SDS: variants seen among roughly 807,000 people sequenced by gnomAD.
SDS encodes L-serine dehydratase/L-threonine deaminase.
Under a neutral mutation model 29.3 loss-of-function variants are expected in SDS, and 19 were observed. The ratio of observed to expected loss-of-function variants is 0.65; its 90% CI spans 0.45 to 0.95. SDS has a LOEUF of 0.95. SDS is among the 40% of genes least tolerant of loss of function. The pLI is 0.00. For missense variants in SDS, 375 were observed against 439.9 expected, an observed-to-expected ratio of 0.85 and a Z score of 1.32; for synonymous variants, 176 against 189.0, an observed-to-expected ratio of 0.93 and a Z score of 0.56.
intron 6 of SDS, among the ~76,000 whole-genome samples, chr12:113,395,152 A>G (rs1957636884): frequency 6.6e-6 from 1 of 152,198 alleles, no homozygotes; most frequent in African/African-American, 2.4e-5. Context: ...CAGGATCTGT[A>G]TAACTTCAAG....
chr12:113,401,022 G>A (rs189629435), intron 1 of SDS, among the ~76,000 whole-genome samples: 15 of 152,176 alleles, frequency 9.9e-5, no homozygotes, highest in African/African-American at 3.4e-4. Flanking sequence ...GCTGAGGCAG[G>A]AGAATGGCGT....
At chr12:113,403,131 T>C (rs1593300104) in intron 1 of SDS, among the ~76,000 whole-genome samples, 1 of 152,002 alleles carries the variant, frequency 6.6e-6, no homozygotes, top group African/African-American at 2.4e-5. Flanking sequence ...CAAATGGCTG[T>C]TTTTTAAAAA....
intron 6 of SDS, chr12:113,396,848 A>G (rs1383659652): frequency 2.1e-5 from 9 of 429,792 alleles, no homozygotes; most frequent in Middle Eastern, 1.3e-3. Flanking sequence ...TATGTTGCTC[A>G]GGCTGGTCTT....
At position 113,393,985 on chromosome 12, in the gene SDS, C is replaced by A; in HGVS notation, c.685G>T (p.Gly229Trp). ...VAKALGVKTV[G>W]AQALKLFQEH... is the part of the protein sequence containing the mutation. ...TGAAACAGCTTCAGGGCCTGAGCCCCCACAGTCTTCACGCCCAGGGCCTTG... is the reference window on the plus strand; with the variant it reads ...TGAAACAGCTTCAGGGCCTGAGCCCACACAGTCTTCACGCCCAGGGCCTTG... The change falls in exon 7 of 8, where the codon GGG becomes TGG. Residue 229 changes from glycine to tryptophan, a missense_variant. Physicochemically the swap from Gly to Trp is radical, Grantham distance 184 (BLOSUM62 -2). Coordinates refer to ENST00000257549, the MANE Select transcript of SDS (RefSeq NM_006843.3). 6.2e-7 allele frequency: 1 copy of A among 1,614,112 alleles called. No individual in the cohort carries two copies. The highest frequency in any genetic ancestry group is 8.5e-7 in the Non-Finnish European group (1 of 1,180,034).
chr12:113,395,476 T>C (rs1366175022), intron 6 of SDS, among the ~76,000 whole-genome samples: 2 of 152,218 alleles, frequency 1.3e-5, no homozygotes, highest in African/African-American at 4.8e-5. Flanking sequence ...GCTGCACTTA[T>C]GGGCACCTGG....
At chr12:113,399,822 G>T in intron 1 of SDS, 112 bp from the exon 2 acceptor site, 2 of 1,100,328 alleles carry the variant, frequency 1.8e-6, no homozygotes, top group Non-Finnish European at 2.5e-6. Context: ...CCTCAGACGA[G>T]AGAGCATCCT....
chr12:113,397,277 G>C lies in SDS; in HGVS notation c.541C>G (p.Gln181Glu). 6.2e-7 allele frequency: 1 copy of C among 1,614,152 alleles called. No homozygotes were observed. The highest frequency in any genetic ancestry group is 8.5e-7 in the Non-Finnish European group (1 of 1,180,016). ...GLLCGVVQGL[Q>E]EVGWGDVPVI... ...GGCACGTCCCCCCAGCCCACCTCCT[G>C]CAGCCCCTGGACCACTCCACACAGC... Residue 181 changes from glutamine to glutamate, a missense_variant, in exon 6 of 8, where the codon CAG becomes GAG. Coordinates refer to ENST00000257549, the MANE Select transcript of SDS (RefSeq NM_006843.3).
At position 113,399,104 on chromosome 12, in the gene SDS, T is replaced by A. The variant is rs749578689; in HGVS notation, c.193+8A>T. The A allele has an allele frequency of 3.1e-6, 5 of 1,613,746 alleles. No homozygotes were observed. In the African/African-American group the frequency reaches 4.0e-5, roughly 13 times the overall value. On this transcript the variant is annotated splice_region_variant and intron_variant, in intron 3 of 7. Coordinates refer to ENST00000257549, the MANE Select transcript of SDS (RefSeq NM_006843.3). ...GCAGAGGACAGGATGGGGAAGCAGA[T>A]CACTTACCCGAGGAGCAGACAAAAT...
Position 113,393,894 on chromosome 12 carries a change from A to G in SDS, c.776T>C (p.Val259Ala). 6.2e-7 allele frequency: 1 copy of G among 1,614,194 alleles called. No individual in the cohort carries two copies. The highest frequency in any genetic ancestry group is 8.5e-7 in the Non-Finnish European group (1 of 1,180,032). The change falls in exon 7 of 8, where the codon GTG becomes GCG. Residue 259 changes from valine to alanine, a missense_variant and splice_region_variant. Val to Ala is a moderately conservative substitution (Grantham distance 64, BLOSUM62 0). Transcript: ENST00000257549. Reference sequence around the variant, plus strand: ...TCATGGGAGGACCTGGCACATACCCACGAACTTCTCAATGGCGGCCACAGC... The same window carrying G: ...TCATGGGAGGACCTGGCACATACCCGCGAACTTCTCAATGGCGGCCACAGC... ...QEAVAAIEKF[V>A]DDEKILVEPA...
At chr12:113,395,545 G>A (rs1220373347) in intron 6 of SDS, among the ~76,000 whole-genome samples, 1 of 152,162 alleles carries the variant, frequency 6.6e-6, no homozygotes, top group Admixed American at 6.5e-5. Context: ...CTAAGTTCAG[G>A]CCAACGAAAG....
chr12:113,398,787 T>C lies in SDS; in HGVS notation c.253A>G (p.Ile85Val). The C allele has an allele frequency of 1.9e-6, 3 of 1,613,940 alleles. No homozygotes were observed. Among genetic ancestry groups the C allele is most frequent in the Non-Finnish European group, 2.5e-6 (3 of 1,179,922 alleles). ...AARQLGVPAT[I>V]VVPSTTPALT... ...GCAGGTGTGGTGCTGGGCACCACGA[T>C]GGTGGCGGGGACGCCGAGTTGCCTG... Residue 85 changes from isoleucine (I) to valine (V), a missense_variant, in exon 4 of 8, where the codon ATC becomes GTC. Ile to Val is a conservative substitution (Grantham distance 29, BLOSUM62 3). Transcript: ENST00000257549.
intron 7 of SDS, 124 bp downstream of exon 7, chr12:113,393,768 C>T (rs920659123): frequency 1.6e-6 from 2 of 1,281,300 alleles, no homozygotes; most frequent in Admixed American, 4.3e-5. Context: ...AAATTCTAGG[C>T]AGAGGTGGAA....
chr12:113,393,902 C>T lies in SDS; in HGVS notation c.768G>A (p.Glu256=), dbSNP rs1297581722. 6.2e-7 allele frequency: 1 copy of T among 1,614,210 alleles called. No homozygotes were observed. The highest frequency in any genetic ancestry group is 1.7e-5 in the Admixed American group (1 of 60,020). Residue 256 remains glutamate, a synonymous_variant, in exon 7 of 8, where the codon GAG becomes GAA. Transcript: ENST00000257549. ...GGACCTGGCACATACCCACGAACTT[C>T]TCAATGGCGGCCACAGCCTCCTGGT... ...ISDQEAVAAI[E]KFVDDEKILV...
intron 6 of SDS, among the ~76,000 whole-genome samples, chr12:113,394,486 CCCA>C (rs1412286040): frequency 6.6e-6 from 1 of 151,652 alleles, no homozygotes; most frequent in Non-Finnish European, 1.5e-5. Flanking sequence ...ACTACAGGTG[CCCA>C]CCACCACACC....
At chr12:113,396,402 TTC>T (rs879404071) in intron 6 of SDS, among the ~76,000 whole-genome samples, 81 of 150,572 alleles carry the variant, frequency 5.4e-4, no homozygotes, top group Admixed American at 1.1e-3. Flanking sequence ...CTTCCTTTCT[TTC>T]TCTTTTTTCT....
At chr12:113,396,658 C>T (rs1376573637) in intron 6 of SDS, 1 of 148,268 alleles carries the variant, frequency 6.7e-6, no homozygotes, top group Admixed American at 6.8e-5. Flanking sequence ...TGTTTCTAGA[C>T]AGGGTCTTGC....
Position 113,393,118 on chromosome 12 carries a change from GC to G in SDS, c.809del (p.Cys270SerfsTer12). The G allele has an allele frequency of 6.2e-7, 1 of 1,613,984 alleles. No individual in the cohort carries two copies. The highest frequency in any genetic ancestry group is 8.5e-7 in the Non-Finnish European group (1 of 1,180,012). The part of the protein sequence containing the change: ...DDEKILVEPA[C>X]GAALAAVYSH... ...TATAGACAGCGGCCAGGGCTGCCCC[GC>G]AGGCGGGCTCCACCAGGATCTTCTC... On this transcript the variant is annotated frameshift_variant, in exon 8 of 8. Coordinates refer to ENST00000257549, the MANE Select transcript of SDS (RefSeq NM_006843.3). LOFTEE classifies it high-confidence loss of function.
intron 6 of SDS, among the ~76,000 whole-genome samples, chr12:113,396,029 G>T (rs1957641794): frequency 6.6e-6 from 1 of 152,180 alleles, no homozygotes; most frequent in East Asian, 1.9e-4. Context: ...AACTTGGGAG[G>T]CAGAGGTTGC....
Position 113,399,679 on chromosome 12 carries a change from C to G in SDS, c.30G>C (p.Lys10Asn). Reference sequence around the variant, plus strand: ...GGGCCATGCTGTCACGGATGGGGGTCTTCACGTGCAGGGGTTCTCCAGACA... The same window carrying G: ...GGGCCATGCTGTCACGGATGGGGGTGTTCACGTGCAGGGGTTCTCCAGACA... MMSGEPLHV[K>N]TPIRDSMALS... The change falls in exon 2 of 8, where the codon AAG becomes AAC. Residue 10 changes from lysine to asparagine, a missense_variant. Lys to Asn is a moderately conservative substitution (Grantham distance 94). Coordinates refer to ENST00000257549, the MANE Select transcript of SDS (RefSeq NM_006843.3). 2 of 1,596,374 alleles carry G rather than the reference C, an allele frequency of 1.3e-6. No homozygotes were observed. Among genetic ancestry groups the G allele is most frequent in the Non-Finnish European group, 1.7e-6 (2 of 1,173,342 alleles).
Sources: allele counts gnomAD v4.1 joint callset (sites outside exome capture counted in the v4.1 genomes callset), GRCh38; gene constraint gnomAD v4.1.1; transcripts MANE v1.5; gene names NCBI Gene and HGNC (gene_info 2026-07-23, HGNC 2026-07-21).